GNAQ: variants seen among roughly 807,000 people sequenced by gnomAD.
GNAQ encodes guanine nucleotide-binding protein G(q) subunit alpha.
In GNAQ, 8 loss-of-function variants were observed where a neutral mutation model predicts 43.9. The observed-to-expected ratio is 0.18, with a 90% confidence interval of 0.11 to 0.33. GNAQ has a LOEUF of 0.33. Among genes scored for constraint, GNAQ ranks in the 10% least tolerant of loss-of-function variants. The pLI, the probability that GNAQ is intolerant of heterozygous loss-of-function variation, is 1.00. For missense variants in GNAQ, 158 were observed against 450.8 expected (o/e 0.35, Z 5.88); for synonymous variants, 155 against 170.7 (o/e 0.91, Z 0.71).
rs10547681 is a variant in GNAQ at position 77,819,002 on chromosome 9, C to CAAAA, written c.322-3236_322-3233dup. Among the ~76,000 whole-genome samples the CAAAA allele has an allele frequency of 4.6e-4, 21 of 45,286 alleles. 2 individuals carry two copies. Among genetic ancestry groups the CAAAA allele is most frequent in the African/African-American group, 2.0e-3 (19 of 9,324 alleles). 29.7% of individuals were successfully genotyped at this position (45,286 alleles called of 152,430 possible). On this transcript the variant is annotated intron_variant, in intron 2 of 6. Transcript: ENST00000286548. ...GTAACAGAGAGAAATACCATCTCTC[C>CAAAA]AAAAAAAAAAAAAAAAAAAAAAAAA...
intron 1 of GNAQ, among the ~76,000 whole-genome samples, chr9:77,966,814 T>C (rs1041126975): frequency 2.6e-5 from 4 of 152,206 alleles, no homozygotes; most frequent in African/African-American, 9.6e-5. Context: ...GACCTCTCCA[T>C]TCTTCAACAA....
chr9:77,785,270 T>C (rs1826458156), intron 5 of GNAQ, among the ~76,000 whole-genome samples: 1 of 151,548 alleles, frequency 6.6e-6, no homozygotes. Context: ...GAGATAGGAG[T>C]TGTGCAGCCA....
chr9:77,741,266 T>C (rs981908599), intron 5 of GNAQ, among the ~76,000 whole-genome samples: 1 of 152,206 alleles, frequency 6.6e-6, no homozygotes, highest in African/African-American at 2.4e-5. Context: ...TAAATAATTA[T>C]CACAGCCACC....
At chr9:78,017,565 A>C (rs1462757882) in intron 1 of GNAQ, among the ~76,000 whole-genome samples, 2 of 152,232 alleles carry the variant, frequency 1.3e-5, no homozygotes, top group African/African-American at 4.8e-5. Context: ...AACACACTAC[A>C]TTCAATCTAG....
intron 5 of GNAQ, among the ~76,000 whole-genome samples, chr9:77,748,684 C>T (rs1409423314): frequency 4.6e-5 from 7 of 152,174 alleles, no homozygotes; most frequent in African/African-American, 1.7e-4. Flanking sequence ...TTTTCCAGCT[C>T]TCTCCACTTC....
At chr9:77,922,449 T>G in intron 1 of GNAQ, 104 bp from the exon 2 acceptor site, 1 of 765,938 alleles carries the variant, frequency 1.3e-6, no homozygotes, top group Non-Finnish European at 2.2e-6. Context: ...CCAGATAGCC[T>G]GCTGAGAGGA....
intron 2 of GNAQ, among the ~76,000 whole-genome samples, chr9:77,863,600 G>C (rs1036981411): frequency 2.0e-5 from 3 of 152,096 alleles, no homozygotes; most frequent in Admixed American, 6.6e-5. Flanking sequence ...CTTTTCAGCA[G>C]TGCCCCACTC....
intron 5 of GNAQ, among the ~76,000 whole-genome samples, chr9:77,741,941 A>G (rs751938074): frequency 7.2e-5 from 11 of 152,186 alleles, no homozygotes; most frequent in Admixed American, 2.0e-4. Flanking sequence ...AGGTATGGTT[A>G]TGAGATTTTT....
At chr9:77,828,456 A>T (rs914461462) in intron 2 of GNAQ, among the ~76,000 whole-genome samples, 6 of 152,146 alleles carry the variant, frequency 3.9e-5, no homozygotes, top group Admixed American at 1.3e-4. Context: ...CCTGTAATTA[A>T]GCCTTTCCTA....
At chr9:77,898,717 A>G (rs1378214280) in intron 2 of GNAQ, among the ~76,000 whole-genome samples, 1 of 152,224 alleles carries the variant, frequency 6.6e-6, no homozygotes, top group East Asian at 1.9e-4. Context: ...GTTTTTTCAA[A>G]CAAATGGGAA....
chr9:77,979,584 T>C (rs1823344232), intron 1 of GNAQ, among the ~76,000 whole-genome samples: 1 of 151,940 alleles, frequency 6.6e-6, no homozygotes, highest in South Asian at 2.1e-4. Flanking sequence ...ATTAAGCTAA[T>C]AAAAAGAACC....
intron 2 of GNAQ, among the ~76,000 whole-genome samples, chr9:77,828,273 A>T (rs572048847): frequency 1.4e-3 from 212 of 151,542 alleles, no homozygotes; most frequent in African/African-American, 4.3e-3. Flanking sequence ...AGCAATTAAA[A>T]TTTTTTTTTG....
At chr9:78,018,078 C>CA (rs1823861178) in intron 1 of GNAQ, among the ~76,000 whole-genome samples, 1 of 151,406 alleles carries the variant, frequency 6.6e-6, no homozygotes, top group Non-Finnish European at 1.5e-5. Flanking sequence ...TCTATTCTAA[C>CA]AAAATTATGT....
chr9:77,939,766 T>C (rs764003206), intron 1 of GNAQ, among the ~76,000 whole-genome samples: 2 of 152,210 alleles, frequency 1.3e-5, no homozygotes, highest in Non-Finnish European at 2.9e-5. Flanking sequence ...TAATGCCATA[T>C]AGAGAATATT....
intron 1 of GNAQ, among the ~76,000 whole-genome samples, chr9:77,990,800 T>C (rs1587449291): frequency 6.6e-6 from 1 of 152,222 alleles, no homozygotes; most frequent in Non-Finnish European, 1.5e-5. Context: ...AGTGTAGTTA[T>C]GGTAAGCCAA....
At position 77,720,948 on chromosome 9, in the gene GNAQ, C is replaced by T. The variant is rs1039187847; in HGVS notation, c.*375G>A. 5.8e-5 allele frequency: 14 copies of T among 242,304 alleles called. No homozygotes were observed. Among genetic ancestry groups the T allele is most frequent in the African/African-American group, 2.4e-4 (11 of 45,306 alleles). The allele number at this position is 242,304 out of a possible 1,614,324, so 15.0% of individuals were successfully genotyped here. A position where few individuals can be genotyped will look rare whatever the true frequency, so the allele number is the denominator to read the frequency against. On this transcript the variant is annotated 3_prime_UTR_variant, in exon 7 of 7. Coordinates refer to ENST00000286548, the MANE Select transcript of GNAQ (RefSeq NM_002072.5). ...ACATCAGGAGGGAGGTATGAATTAG[C>T]GGGGGAAGAAAAAAGGGAAATCAGC...
chr9:77,899,867 C>G (rs1828572447), intron 2 of GNAQ, among the ~76,000 whole-genome samples: 1 of 152,200 alleles, frequency 6.6e-6, no homozygotes, highest in Admixed American at 6.5e-5. Context: ...GCTGCTGATT[C>G]AGCAAGAACA....
intron 2 of GNAQ, among the ~76,000 whole-genome samples, chr9:77,843,352 G>C (rs571382746): frequency 6.6e-6 from 1 of 152,170 alleles, no homozygotes; most frequent in Non-Finnish European, 1.5e-5. Context: ...CAGAGGAAGC[G>C]AGCAGAAGAG....
At chr9:77,727,688 CAT>C (rs1319357481) in intron 6 of GNAQ, among the ~76,000 whole-genome samples, 7 of 152,156 alleles carry the variant, frequency 4.6e-5, no homozygotes, top group African/African-American at 1.2e-4. Context: ...TAAACGTACA[CAT>C]ATGTTATATA....
Sources: allele counts gnomAD v4.1 joint callset (sites outside exome capture counted in the v4.1 genomes callset), GRCh38; gene constraint gnomAD v4.1.1; transcripts MANE v1.5; gene names NCBI Gene and HGNC (gene_info 2026-07-23, HGNC 2026-07-21).